CDH23: variants seen among roughly 807,000 people sequenced by gnomAD.
The protein encoded by CDH23 is cadherin-23.
Under a neutral mutation model 317.1 loss-of-function variants are expected in CDH23, and 189 were observed. The observed-to-expected ratio is 0.60, with a 90% CI of 0.53 to 0.67. The LOEUF is 0.67. Among genes scored for constraint, CDH23 ranks in the 30% least tolerant of loss-of-function variants. The probability of loss-of-function intolerance (pLI) is 0.00; values close to 1 mark genes in which losing one functional copy is unlikely to be tolerated. For missense variants in CDH23, 4,401 were observed against 4,592.4 expected (o/e 0.96, Z 1.20); for synonymous variants, 1,839 against 1,876.8 (o/e 0.98, Z 0.52).
At chr10:71,434,035 C>T (rs181456635) in intron 1 of CDH23, among the ~76,000 whole-genome samples, 4 of 152,272 alleles carry the variant, frequency 2.6e-5, no homozygotes, top group African/African-American at 9.6e-5. Flanking sequence ...GCCCTCATCT[C>T]CTGCAACTCT....
chr10:71,481,698 A>G (rs1246763424), intron 3 of CDH23, among the ~76,000 whole-genome samples: 1 of 152,224 alleles, frequency 6.6e-6, no homozygotes, highest in Non-Finnish European at 1.5e-5. Flanking sequence ...AAATGGGAGC[A>G]AAGGACTTCT....
intron 1 of CDH23, among the ~76,000 whole-genome samples, chr10:71,429,791 A>T (rs1406547735): frequency 6.6e-6 from 1 of 152,224 alleles, no homozygotes; most frequent in Non-Finnish European, 1.5e-5. Flanking sequence ...GTTAAATTTT[A>T]GAGACACATG....
chr10:71,603,568 T>C (rs1031994639), intron 9 of CDH23, among the ~76,000 whole-genome samples: 1 of 152,176 alleles, frequency 6.6e-6, no homozygotes, highest in African/African-American at 2.4e-5. Context: ...TGTTTGGGCC[T>C]ACCTGCCCCA....
At chr10:71,550,090 C>T (rs1271752893) in intron 6 of CDH23, among the ~76,000 whole-genome samples, 1 of 152,172 alleles carries the variant, frequency 6.6e-6, no homozygotes, top group Non-Finnish European at 1.5e-5. Context: ...CAAGACTGGC[C>T]CTCCTCTCAG....
At chr10:71,798,672 G>GT in intron 50 of CDH23, 94 bp downstream of exon 50, 1 of 1,008,262 alleles carries the variant, frequency 9.9e-7, no homozygotes, top group Admixed American at 2.6e-5. Flanking sequence ...TGGCTCCTCA[G>GT]TGGACTGGGC....
intron 1 of CDH23, among the ~76,000 whole-genome samples, chr10:71,405,776 G>T (rs1009294317): frequency 6.6e-6 from 1 of 152,124 alleles, no homozygotes; most frequent in Non-Finnish European, 1.5e-5. Context: ...ACATAACTGG[G>T]TGGTGGGGTG....
chr10:71,704,690 A>G (rs1190328627), intron 24 of CDH23, among the ~76,000 whole-genome samples: 1 of 152,152 alleles, frequency 6.6e-6, no homozygotes, highest in Non-Finnish European at 1.5e-5. Flanking sequence ...CACCGGCCTC[A>G]CTTGGTGCAT....
intron 38 of CDH23, among the ~76,000 whole-genome samples, chr10:71,776,422 G>T (rs1378831687): frequency 6.6e-6 from 1 of 152,174 alleles, no homozygotes; most frequent in Non-Finnish European, 1.5e-5. Flanking sequence ...CCTGGCAATG[G>T]CCTAGTCACG....
chr10:71,446,440 G>A, intron 3 of CDH23, 45 bp downstream of exon 3: 10 of 1,562,824 alleles, frequency 6.4e-6, no homozygotes, highest in Non-Finnish European at 7.9e-6. Flanking sequence ...GGCCTGGGGT[G>A]CAATCCCTTC....
intron 1 of CDH23, among the ~76,000 whole-genome samples, chr10:71,408,368 GAA>G (rs1491169215): frequency 6.6e-6 from 1 of 151,674 alleles, no homozygotes; most frequent in Non-Finnish European, 1.5e-5. Flanking sequence ...TGTGTTAGAA[GAA>G]GAGAGAGAGA....
intron 23 of CDH23, 52 bp downstream of exon 23, chr10:71,702,263 C>G: frequency 6.3e-7 from 1 of 1,575,246 alleles, no homozygotes; most frequent in South Asian, 1.1e-5. Flanking sequence ...CTGCGGGTGT[C>G]CCTGGTGACT....
intron 1 of CDH23, among the ~76,000 whole-genome samples, chr10:71,398,874 G>A (rs1233029364): frequency 5.3e-5 from 8 of 152,144 alleles, no homozygotes; most frequent in Non-Finnish European, 1.2e-4. Flanking sequence ...TCGAGTGCTG[G>A]AGGACAGCAG....
At chr10:71,421,012 C>T (rs111578518) in intron 1 of CDH23, among the ~76,000 whole-genome samples, 4 of 152,338 alleles carry the variant, frequency 2.6e-5, no homozygotes, top group African/African-American at 7.2e-5. Context: ...GTTCCTTTCC[C>T]CCCAACCCTT....
chr10:71,401,191 T>C (rs1180008928), intron 1 of CDH23, among the ~76,000 whole-genome samples: 1 of 152,160 alleles, frequency 6.6e-6, no homozygotes, highest in Non-Finnish European at 1.5e-5. Context: ...CTGACGCTGC[T>C]CAGGAGTCGT....
In CDH23 at chr10:71,617,254, C is replaced by G. The variant is rs376301184; in HGVS notation, c.995C>G (p.Thr332Arg). The G allele has an allele frequency of 6.2e-7, 1 of 1,613,852 alleles. No homozygotes were observed. Among genetic ancestry groups the G allele is most frequent in the African/African-American group, 1.3e-5 (1 of 74,908 alleles). Residue 332 changes from threonine (T) to arginine (R), a missense_variant, in exon 11 of 70, where the codon ACG (threonine) becomes AGG (arginine). Around this residue, in one of 3 missense-constraint regions of CDH23, gnomAD observed 3,068 missense variants for 3,203.3 expected, o/e 0.96. Coordinates refer to ENST00000224721, the MANE Select transcript of CDH23 (RefSeq NM_022124.6). ...DRTPSDATVT[T>R]TFNILVIDIN... ...ACCCCATCTGACGCTACAGTCACCA[C>G]GACCTTCAATATCCTGGTTATTGAC...
intron 3 of CDH23, among the ~76,000 whole-genome samples, chr10:71,481,111 C>T (rs1222889985): frequency 1.3e-5 from 2 of 152,128 alleles, no homozygotes; most frequent in Non-Finnish European, 2.9e-5. Context: ...GCCCCATTTC[C>T]CGTTGCCCAG....
rs1037043812 is a variant in CDH23 at position 71,598,359 on chromosome 10, T to A, written c.833-17145T>A. Among the ~76,000 whole-genome samples, 6 of 152,354 alleles carry A rather than the reference T, an allele frequency of 3.9e-5. No individual in the cohort carries two copies. The South Asian group carries it at 6.2e-4, about 16-fold the overall frequency. On this transcript the variant is annotated intron_variant, in intron 9 of 69. Transcript: ENST00000224721. ...CCACAAGCAAAGAGGTTACTTCCTC[T>A]TTTCTATGAGTGCTGAGTCTCAAGC...
chr10:71,800,451 C>T (rs780458337), intron 52 of CDH23, among the ~76,000 whole-genome samples, 185 bp from the exon 53 acceptor site: 4 of 152,270 alleles, frequency 2.6e-5, no homozygotes, highest in Admixed American at 6.5e-5. Flanking sequence ...ACCCCATCCC[C>T]AGGTAGGTTG....
Position 71,759,846 on chromosome 10 carries a change from C to CACACATATATATACACACACACAT in CDH23, c.4846-17833_4846-17832insCACATATATATACACACACACATA, listed in dbSNP as rs776230069. The stretch of plus-strand genomic sequence containing the variant: ...ACACACACACACACACACACACACA[C>CACACATATATATACACACACACAT]ATATACACACACACACACATATATA... On this transcript the variant is annotated intron_variant, in intron 38 of 69. Coordinates refer to ENST00000224721, the MANE Select transcript of CDH23 (RefSeq NM_022124.6). 8.3e-5 allele frequency among the ~76,000 whole-genome samples: 5 copies of CACACATATATATACACACACACAT among 59,934 alleles called. 1 individual carries two copies. The highest frequency in any genetic ancestry group is 1.4e-4 in the Non-Finnish European group (4 of 29,060). The allele number at this position is 59,934 out of a possible 152,430, so 39.3% of individuals were successfully genotyped here.
Sources: gnomAD v4.1 joint callset for allele counts (sites outside exome capture counted in the v4.1 genomes callset) on GRCh38, gnomAD v4.1.1 for gene constraint, gnomAD v4.1.1 regional missense constraint, MANE v1.5 for transcripts, NCBI Gene and HGNC (gene_info 2026-07-23, HGNC 2026-07-21) for gene names.